The following UBXN6 variants were observed in gnomAD, a reference collection of about 807,000 sequenced individuals.
The protein encoded by UBXN6 is UBX domain-containing protein 6.
A neutral mutation model predicts 51.4 loss-of-function variants in UBXN6; 44 were observed. The ratio of observed to expected loss-of-function variants is 0.86; its 90% CI spans 0.67 to 1.10. The LOEUF is 1.10. UBXN6 is among the 50% of genes least tolerant of loss of function. The pLI is 0.00. For synonymous variants in UBXN6, 316 were observed against 263.2 expected, an observed-to-expected ratio of 1.20 and a Z score of -1.94; for missense variants, 672 against 596.1, an observed-to-expected ratio of 1.13 and a Z score of -1.32.
chr19:4,446,662 A>G lies in UBXN6; in HGVS notation c.758T>C (p.Leu253Pro). The G allele has an allele frequency of 6.2e-7, 1 of 1,612,218 alleles. No homozygotes were observed. The highest frequency in any genetic ancestry group is 8.5e-7 in the Non-Finnish European group (1 of 1,179,306). The part of the protein sequence containing the change: ...SETTLAQPQS[L>P]ERHKEQLLAA... ...CAGCAGCTGTTCCTTGTGCCTCTCCAGGCTCTGGGGCTGGGCCAAGGTGGT... is the reference window on the plus strand; with the variant it reads ...CAGCAGCTGTTCCTTGTGCCTCTCCGGGCTCTGGGGCTGGGCCAAGGTGGT... Residue 253 changes from leucine to proline, a missense_variant, in exon 8 of 11, where the codon CTG (leucine) becomes CCG (proline). Coordinates refer to ENST00000301281, the MANE Select transcript of UBXN6 (RefSeq NM_025241.3).
intron 1 of UBXN6, among the ~76,000 whole-genome samples, chr19:4,456,475 T>A (rs796834823): frequency 4.6e-5 from 7 of 151,450 alleles, no homozygotes; most frequent in African/African-American, 1.7e-4. Context: ...ACCCGTGTCC[T>A]GGCTGCCTGG....
At chr19:4,453,390 C>T (rs1384701010) in intron 3 of UBXN6, 68 bp downstream of exon 3, 2 of 1,547,912 alleles carry the variant, frequency 1.3e-6, no homozygotes, top group Non-Finnish European at 8.8e-7. Flanking sequence ...GGCCACATCT[C>T]CCCCGTGACA....
chr19:4,448,829 G>A (rs1313982465), intron 4 of UBXN6: 10 of 209,644 alleles, frequency 4.8e-5, no homozygotes, highest in Admixed American at 2.6e-4. Context: ...CATGATGGAC[G>A]TTCTGGAACC....
At chr19:4,457,214 T>C (rs1032813417) in intron 1 of UBXN6, among the ~76,000 whole-genome samples, 17 of 151,742 alleles carry the variant, frequency 1.1e-4, no homozygotes, top group Admixed American at 1.1e-3. Flanking sequence ...GGACTCATGA[T>C]CCCGTTTTTC....
At chr19:4,445,975 G>A in intron 10 of UBXN6, 74 bp downstream of exon 10, 1 of 1,525,684 alleles carries the variant, frequency 6.6e-7, no homozygotes, top group Admixed American at 2.1e-5. Context: ...CTCCCTCCTG[G>A]GGGTGTCTGT....
At chr19:4,453,155 C>T (rs1251883833) in intron 3 of UBXN6, among the ~76,000 whole-genome samples, 4 of 152,186 alleles carry the variant, frequency 2.6e-5, no homozygotes, top group Admixed American at 2.0e-4. Context: ...CCTCTCTCAA[C>T]CCCGGTTCTC....
In UBXN6 at chr19:4,446,757, G is replaced by A. The variant is rs2145170463; in HGVS notation, c.701-38C>T. On this transcript the variant is annotated intron_variant, in intron 7 of 10. Transcript: ENST00000301281. Reference sequence around the variant, plus strand: ...AGGACATGGGTGTCACTGTGCAATGGAGAGACCCCCAAGCCGGGCCCTCCT... The same window carrying A: ...AGGACATGGGTGTCACTGTGCAATGAAGAGACCCCCAAGCCGGGCCCTCCT... The A allele has an allele frequency of 1.9e-6, 3 of 1,611,680 alleles. No homozygotes were observed. In the East Asian group the frequency reaches 6.7e-5, roughly 36 times the overall value.
At chr19:4,453,614 G>C in intron 2 of UBXN6, 92 bp from the exon 3 acceptor site, 1 of 1,475,758 alleles carries the variant, frequency 6.8e-7, no homozygotes, top group Non-Finnish European at 9.2e-7. Context: ...GGTGGGCCTG[G>C]GGGCCACGCA....
rs529266625 is a variant in UBXN6 at position 4,456,074 on chromosome 19, C to T, written c.83+1541G>A. Reference sequence around the variant, plus strand: ...CCCACACACCCTGGATATGCAGTCTCGCTCCACAAGGGACCTCCGCACCGC... The same window carrying T: ...CCCACACACCCTGGATATGCAGTCTTGCTCCACAAGGGACCTCCGCACCGC... On this transcript the variant is annotated intron_variant, in intron 1 of 10. Transcript: ENST00000301281. Among the ~76,000 whole-genome samples the T allele has an allele frequency of 5.3e-5, 8 of 152,048 alleles. No homozygotes were observed. In the South Asian group the frequency reaches 1.5e-3, roughly 28 times the overall value.
At chr19:4,452,239 C>A in intron 4 of UBXN6, 125 bp downstream of exon 4, 3 of 1,384,970 alleles carry the variant, frequency 2.2e-6, no homozygotes, top group Non-Finnish European at 2.9e-6. Context: ...AGAGGAGGGG[C>A]TTCACTACTA....
At chr19:4,452,687 G>A (rs573197853) in intron 3 of UBXN6, among the ~76,000 whole-genome samples, 195 bp from the exon 4 acceptor site, 7 of 152,298 alleles carry the variant, frequency 4.6e-5, no homozygotes, top group African/African-American at 1.7e-4. Flanking sequence ...TATGTCAAAT[G>A]TCCCTGTGGG....
At chr19:4,447,891 C>G (rs1001597251) in intron 5 of UBXN6, 2 of 525,468 alleles carry the variant, frequency 3.8e-6, no homozygotes, top group Non-Finnish European at 6.9e-6. Flanking sequence ...TTAACCACAG[C>G]GGTGGGGAAG....
chr19:4,446,290 G>A lies in UBXN6; in HGVS notation c.1044C>T (p.Leu348=), dbSNP rs779379763. The A allele has an allele frequency of 4.5e-6, 7 of 1,572,774 alleles. No homozygotes were observed. In the East Asian group the frequency reaches 6.9e-5, roughly 15 times the overall value. The stretch of plus-strand genomic sequence containing the variant: ...GGCATCGTTGGTGCCCACCCTGCAG[G>A]AGGCAGCCATCGGGGAGGCGCACGC... ...LLRVRLPDGC[L]LQGTFYARER... The change falls in exon 9 of 11, where the codon CTC becomes CTT. Residue 348 remains leucine (L), a synonymous_variant. Transcript: ENST00000301281.
intron 6 of UBXN6, 140 bp downstream of exon 6, chr19:4,447,410 C>G: frequency 1.1e-6 from 1 of 870,556 alleles, no homozygotes; most frequent in Non-Finnish European, 1.9e-6. Context: ...CTTCTACTGG[C>G]CGAACCCTTC....
chr19:4,447,007 G>T, intron 6 of UBXN6, 87 bp from the exon 7 acceptor site: 1 of 1,315,944 alleles, frequency 7.6e-7, no homozygotes, highest in Non-Finnish European at 1.1e-6. Context: ...CCCGGCTCTC[G>T]CTATTGGGAG....
At position 4,446,568 on chromosome 19, in the gene UBXN6, C is replaced by T. The variant is rs112497201; in HGVS notation, c.852G>A (p.Ser284=). ...RRVFQPSPLA[S]QFELPGDFFN... is the part of the protein sequence containing the mutation. Reference sequence around the variant, plus strand: ...AGAAGTCCCCAGGCAGTTCGAACTGCGAGGCCAGGGGCGAGGGCTGGAAGA... The same window carrying T: ...AGAAGTCCCCAGGCAGTTCGAACTGTGAGGCCAGGGGCGAGGGCTGGAAGA... Residue 284 remains serine, a synonymous_variant, in exon 8 of 11, where the codon TCG becomes TCA. Coordinates refer to ENST00000301281, the MANE Select transcript of UBXN6 (RefSeq NM_025241.3). 72 of 1,612,388 alleles carry T rather than the reference C, an allele frequency of 4.5e-5. No individual in the cohort carries two copies. Among genetic ancestry groups the T allele is most frequent in the Middle Eastern group, 3.3e-4 (2 of 6,084 alleles).
intron 1 of UBXN6, among the ~76,000 whole-genome samples, chr19:4,456,111 A>C (rs1235645329): frequency 6.6e-6 from 1 of 151,186 alleles, no homozygotes; most frequent in Non-Finnish European, 1.5e-5. Context: ...TCCTTTCCCA[A>C]CCTTCCCCTC....
At chr19:4,452,597 GC>G in intron 3 of UBXN6, 105 bp from the exon 4 acceptor site, 1 of 1,425,922 alleles carries the variant, frequency 7.0e-7, no homozygotes, top group Non-Finnish European at 9.3e-7. Context: ...GACATCTCCA[GC>G]CCCCATGCTG....
chr19:4,456,065 A>G (rs1974735169), intron 1 of UBXN6, among the ~76,000 whole-genome samples: 1 of 151,684 alleles, frequency 6.6e-6, no homozygotes, highest in South Asian at 2.1e-4. Context: ...CACCCTGGAT[A>G]TGCAGTCTCG....
Sources: gnomAD v4.1 joint callset for allele counts (sites outside exome capture counted in the v4.1 genomes callset) on GRCh38, gnomAD v4.1.1 for gene constraint, MANE v1.5 for transcripts, NCBI Gene and HGNC (gene_info 2026-07-23, HGNC 2026-07-21) for gene names.